The following DCAF4 variants were observed in gnomAD, a reference collection of about 807,000 sequenced individuals.
DCAF4 encodes DDB1 and CUL4 associated factor 4, also known as DDB1- and CUL4-associated factor 4.
A neutral mutation model predicts 60.9 loss-of-function variants in DCAF4; 37 were observed. That is an observed-to-expected ratio of 0.61 (90% CI 0.47 to 0.80). DCAF4 has a LOEUF of 0.80. Ranked by LOEUF, DCAF4 falls within the 30% of genes least tolerant of loss-of-function variation. DCAF4 has a pLI of 0.00. For missense variants in DCAF4, 577 were observed against 650.0 expected (o/e 0.89, Z 1.22); for synonymous variants, 243 against 254.8 (o/e 0.95, Z 0.44).
rs778351509 is a variant in DCAF4, at chr14:72,958,775, G to A, written c.1458G>A (p.Gly486=). The A allele has an allele frequency of 8.8e-6, 14 of 1,594,192 alleles. No homozygotes were observed. The highest frequency in any genetic ancestry group is 1.7e-5 in the Admixed American group (1 of 57,196). The change falls in exon 14 of 14, where the codon GGG becomes GGA. Residue 486 remains glycine (G), a synonymous_variant. Coordinates refer to ENST00000358377, the MANE Select transcript of DCAF4 (RefSeq NM_015604.4). The stretch of plus-strand genomic sequence containing the variant: ...CGCCGGGGCTGCTCATGGCTGTCGG[G>A]CAGGACCTTTACTGTTACTCCTACA... ...RGAPGLLMAV[G]QDLYCYSYS
At position 72,942,037 on chromosome 14, in the gene DCAF4, A is replaced by C. The variant is rs922750000; in HGVS notation, c.431+213A>C. 7 of 514,520 alleles carry C rather than the reference A, an allele frequency of 1.4e-5. No homozygotes were observed. The Admixed American group carries it at 1.8e-4, about 13-fold the overall frequency. The allele number at this position is 514,520 out of a possible 1,614,324, so 31.9% of individuals were successfully genotyped here. ...TAGAGCGAAGGCGGGGGACTCTTGCAGGAGGATAGGGAGAGAGGATGGGGA... is the reference window on the plus strand; with the variant it reads ...TAGAGCGAAGGCGGGGGACTCTTGCCGGAGGATAGGGAGAGAGGATGGGGA... On this transcript the variant is annotated intron_variant, in intron 5 of 13. Transcript: ENST00000358377.
intron 1 of DCAF4, among the ~76,000 whole-genome samples, chr14:72,928,187 C>CTTTTTTTTTTTT (rs565229070): frequency 0.071 from 4,765 of 67,078 alleles, 845 homozygotes; most frequent in Non-Finnish European, 0.079. Flanking sequence ...AATCCCCCCA[C>CTTTTTTTTTTTT]TTTTTTTTTT....
At chr14:72,940,022 G>C in intron 3 of DCAF4, 120 bp downstream of exon 3, 1 of 1,188,882 alleles carries the variant, frequency 8.4e-7, no homozygotes, top group African/African-American at 1.5e-5. Context: ...AGCTGGGTGC[G>C]TCAGGAATGG....
intron 8 of DCAF4, among the ~76,000 whole-genome samples, chr14:72,948,369 A>G (rs1273803476): frequency 4.6e-5 from 7 of 152,162 alleles, no homozygotes; most frequent in African/African-American, 1.7e-4. Flanking sequence ...TCAAAGGGTC[A>G]TAGAGCCTAA....
intron 1 of DCAF4, among the ~76,000 whole-genome samples, chr14:72,936,885 G>T (rs2140215327): frequency 6.6e-6 from 1 of 152,332 alleles, no homozygotes; most frequent in East Asian, 1.9e-4. Flanking sequence ...GATTTATTTA[G>T]CAAGAAGAAA....
chr14:72,956,026 G>A (rs1205217093), intron 12 of DCAF4, among the ~76,000 whole-genome samples: 5 of 141,402 alleles, frequency 3.5e-5, no homozygotes, highest in African/African-American at 1.3e-4. Flanking sequence ...AGGTTCAAGC[G>A]ATTCTCCTGC....
intron 8 of DCAF4, among the ~76,000 whole-genome samples, chr14:72,948,443 C>T (rs775344493): frequency 6.6e-6 from 1 of 152,164 alleles, no homozygotes; most frequent in Non-Finnish European, 1.5e-5. Context: ...CTCTAAATTG[C>T]AAATTTTATG....
At chr14:72,961,838 C>T (rs1423775596), downstream of DCAF4, 2 of 1,065,994 alleles carry the variant, frequency 1.9e-6, no homozygotes, top group East Asian at 7.7e-5. Context: ...GCCTCTCTCT[C>T]CTTGCCCCCA....
chr14:72,927,951 C>A (rs989902686), intron 1 of DCAF4, among the ~76,000 whole-genome samples: 2 of 152,068 alleles, frequency 1.3e-5, no homozygotes, highest in Non-Finnish European at 2.9e-5. Flanking sequence ...CCACCACACC[C>A]GGCTAATTTT....
Position 72,959,503 on chromosome 14 carries a change from G to A in DCAF4, c.*698G>A, listed in dbSNP as rs961068145. 15 of 985,440 alleles carry A rather than the reference G, an allele frequency of 1.5e-5. No homozygotes were observed. Among genetic ancestry groups the A allele is most frequent in the South Asian group, 4.7e-5 (1 of 21,280 alleles). The allele number at this position is 985,440 out of a possible 1,614,324, so 61.0% of individuals were successfully genotyped here. A position where few individuals can be genotyped will look rare whatever the true frequency, so the allele number is the denominator to read the frequency against. On this transcript the variant is annotated 3_prime_UTR_variant, in exon 14 of 14. Transcript: ENST00000358377. ...GTTCAGCAGCTCTGGTTTCTATTAC[G>A]GTGACTTGAATGTCAGATTCAAGGG...
At position 72,959,029 on chromosome 14, in the gene DCAF4, G is replaced by T; in HGVS notation, c.*224G>T. 4.1e-6 allele frequency: 5 copies of T among 1,234,446 alleles called. No individual in the cohort carries two copies. The highest frequency in any genetic ancestry group is 4.0e-6 in the Non-Finnish European group (4 of 988,482). 76.5% of individuals were successfully genotyped at this position (1,234,446 alleles called of 1,614,324 possible). A position where few individuals can be genotyped will look rare whatever the true frequency, so the allele number is the denominator to read the frequency against. ...AGCTTGGAAGTCCTTTTCATAAAAG[G>T]TACCTCTTTCCTTTTCTTATTGAAT... On this transcript the variant is annotated 3_prime_UTR_variant, in exon 14 of 14. Transcript: ENST00000358377.
chr14:72,943,666 G>A (rs1160157775), intron 6 of DCAF4, among the ~76,000 whole-genome samples: 4 of 152,184 alleles, frequency 2.6e-5, no homozygotes, highest in African/African-American at 9.7e-5. Flanking sequence ...CAGGGGCCAG[G>A]GAAAGGTTGG....
chr14:72,940,627 G>A, intron 4 of DCAF4: 1 of 332,148 alleles, frequency 3.0e-6, no homozygotes, highest in Non-Finnish European at 5.2e-6. Flanking sequence ...ATCTCACTCT[G>A]TTGCCCAGGC....
At chr14:72,941,902 A>C in intron 5 of DCAF4, 78 bp downstream of exon 5, 5 of 1,485,182 alleles carry the variant, frequency 3.4e-6, no homozygotes, top group Non-Finnish European at 4.7e-6. Flanking sequence ...ATAAGAATCC[A>C]GTCTGGATAG....
chr14:72,957,381 A>G (rs991211655), intron 13 of DCAF4: 1 of 152,222 alleles, frequency 6.6e-6, no homozygotes, highest in Non-Finnish European at 1.5e-5. Context: ...TGCAGGCTCA[A>G]TGCTTTCACA....
chr14:72,960,543 G>A, downstream of DCAF4: 1 of 956,888 alleles, frequency 1.0e-6, no homozygotes, highest in Non-Finnish European at 1.3e-6. Context: ...AGTTTGCACT[G>A]TGCCCCCTCA....
rs184789152 is a variant in DCAF4 at position 72,956,279 on chromosome 14, A to G, written c.1180-107A>G. The G allele has an allele frequency of 1.3e-5, 10 of 744,356 alleles. No individual in the cohort carries two copies. The Admixed American group carries it at 3.1e-4, about 23-fold the overall frequency. 46.1% of individuals were successfully genotyped at this position (744,356 alleles called of 1,614,324 possible). A position where few individuals can be genotyped will look rare whatever the true frequency, so the allele number is the denominator to read the frequency against. ...AGAATTCGAGATGGAGATCTTCATG[A>G]CCTGCACAGGCCACTGGAGACCACC... is the stretch of plus-strand genomic sequence containing the variant. On this transcript the variant is annotated intron_variant, in intron 12 of 13. Transcript: ENST00000358377.
intron 13 of DCAF4, chr14:72,958,236 G>A: frequency 3.2e-6 from 1 of 309,496 alleles, no homozygotes; most frequent in Non-Finnish European, 6.1e-6. Flanking sequence ...TCACACCACT[G>A]CACTCCAGCC....
chr14:72,941,553 T>A (rs1283240913), intron 4 of DCAF4, among the ~76,000 whole-genome samples, 192 bp from the exon 5 acceptor site: 1 of 152,074 alleles, frequency 6.6e-6, no homozygotes, highest in Admixed American at 6.6e-5. Context: ...ACTCACACTT[T>A]CTTCTGCTGG....
Sources: allele counts gnomAD v4.1 joint callset (sites outside exome capture counted in the v4.1 genomes callset), GRCh38; gene constraint gnomAD v4.1.1; transcripts MANE v1.5; gene names NCBI Gene and HGNC (gene_info 2026-07-23, HGNC 2026-07-21).